The following ST18 variants were observed in gnomAD, a reference collection of about 807,000 sequenced individuals.
The protein encoded by ST18 is suppression of tumorigenicity 18 protein.
In ST18, 50 loss-of-function variants were observed where a neutral mutation model predicts 110.0. The ratio of observed to expected loss-of-function variants is 0.45; its 90% confidence interval spans 0.36 to 0.58. The LOEUF is 0.58. Ranked by LOEUF, ST18 falls within the 20% of genes least tolerant of loss-of-function variation. ST18 has a pLI of 0.00. For synonymous variants in ST18, 461 were observed against 452.4 expected, an observed-to-expected ratio of 1.02 and a Z score of -0.24; for missense variants, 1,306 against 1,280.1, an observed-to-expected ratio of 1.02 and a Z score of -0.31.
At chr8:52,141,049 C>T (rs934071287) in intron 17 of ST18, among the ~76,000 whole-genome samples, 1 of 152,072 alleles carries the variant, frequency 6.6e-6, no homozygotes, top group African/African-American at 2.4e-5. Context: ...GTGTTCAAGC[C>T]GATTTAAGTT....
chr8:52,307,186 A>T (rs1370082144), intron 2 of ST18, among the ~76,000 whole-genome samples: 1 of 152,148 alleles, frequency 6.6e-6, no homozygotes, highest in Non-Finnish European at 1.5e-5. Context: ...AACTTGACTT[A>T]AGAAGAAAAT....
At chr8:52,320,007 G>A (rs1182492655) in intron 2 of ST18, among the ~76,000 whole-genome samples, 2 of 152,092 alleles carry the variant, frequency 1.3e-5, no homozygotes. Context: ...TTGAAACAAA[G>A]ACAAGCAATC....
At chr8:52,146,225 CA>C (rs937379826) in intron 16 of ST18, among the ~76,000 whole-genome samples, 2 of 152,120 alleles carry the variant, frequency 1.3e-5, no homozygotes, top group African/African-American at 4.8e-5. Context: ...TGGAAAGTCA[CA>C]AGAAAGGATC....
At chr8:52,132,271 A>C in intron 21 of ST18, 92 bp from the exon 22 acceptor site, 1 of 1,131,904 alleles carries the variant, frequency 8.8e-7, no homozygotes, top group Middle Eastern at 3.1e-4. Context: ...ATAGAGTTTT[A>C]ATAAAAGATG....
intron 2 of ST18, among the ~76,000 whole-genome samples, chr8:52,233,974 C>A (rs2092124318): frequency 6.6e-6 from 1 of 152,134 alleles, no homozygotes; most frequent in Non-Finnish European, 1.5e-5. Flanking sequence ...TGAAACATTG[C>A]ACTTTGACTA....
At chr8:52,293,406 A>G (rs1476197306) in intron 2 of ST18, among the ~76,000 whole-genome samples, 1 of 152,232 alleles carries the variant, frequency 6.6e-6, no homozygotes, top group African/African-American at 2.4e-5. Context: ...GTGACAGGTA[A>G]CTTAGGGAGC....
intron 2 of ST18, among the ~76,000 whole-genome samples, chr8:52,323,159 C>A (rs1184155151): frequency 4.0e-5 from 6 of 151,878 alleles, no homozygotes; most frequent in Admixed American, 3.9e-4. Flanking sequence ...GACACCAAAG[C>A]AACATGTCTA....
At chr8:52,186,639 T>C (rs958596136) in intron 8 of ST18, among the ~76,000 whole-genome samples, 1 of 152,152 alleles carries the variant, frequency 6.6e-6, no homozygotes. Context: ...GTCTCTCCCA[T>C]ACCGGAAACA....
chr8:52,325,719 G>A (rs1453026633), intron 2 of ST18, among the ~76,000 whole-genome samples: 1 of 152,048 alleles, frequency 6.6e-6, no homozygotes, highest in East Asian at 1.9e-4. Flanking sequence ...AAAATTTCCC[G>A]ATTTCCAGCT....
chr8:52,127,044 G>T (rs549993027), intron 22 of ST18, among the ~76,000 whole-genome samples: 140 of 152,314 alleles, frequency 9.2e-4, no homozygotes, highest in African/African-American at 3.1e-3. Flanking sequence ...ATCATAATCA[G>T]TCATTTAAAG....
intron 3 of ST18, among the ~76,000 whole-genome samples, chr8:52,222,919 C>T (rs765757572): frequency 2.0e-5 from 3 of 152,198 alleles, no homozygotes; most frequent in Non-Finnish European, 2.9e-5. Flanking sequence ...TTAGTTTTAG[C>T]CCCCACCTAC....
At chr8:52,283,125 G>A (rs1023411942) in intron 2 of ST18, among the ~76,000 whole-genome samples, 1 of 152,172 alleles carries the variant, frequency 6.6e-6, no homozygotes, top group Non-Finnish European at 1.5e-5. Flanking sequence ...CTGATGACTT[G>A]TTGGTGGATT....
chr8:52,167,353 C>A (rs1301636508), intron 10 of ST18, among the ~76,000 whole-genome samples: 1 of 152,208 alleles, frequency 6.6e-6, no homozygotes, highest in African/African-American at 2.4e-5. Context: ...TAAACCAAAA[C>A]CATTTCTTAT....
At chr8:52,265,381 G>C (rs921323078) in intron 2 of ST18, among the ~76,000 whole-genome samples, 3 of 152,210 alleles carry the variant, frequency 2.0e-5, no homozygotes, top group Non-Finnish European at 4.4e-5. Context: ...TTATGGGAGG[G>C]CTCCAGCTAG....
chr8:52,216,975 T>C (rs573275019), intron 6 of ST18, among the ~76,000 whole-genome samples: 4 of 152,324 alleles, frequency 2.6e-5, no homozygotes, highest in Admixed American at 6.5e-5. Flanking sequence ...CACATGATTA[T>C]GGTATGATTC....
intron 2 of ST18, among the ~76,000 whole-genome samples, chr8:52,381,167 G>T (rs1459919971): frequency 6.6e-6 from 1 of 152,118 alleles, no homozygotes; most frequent in African/African-American, 2.4e-5. Context: ...TGTTCTGTAG[G>T]GTGGAAAAGG....
At chr8:52,191,767 G>C (rs910133946) in intron 8 of ST18, among the ~76,000 whole-genome samples, 3 of 152,226 alleles carry the variant, frequency 2.0e-5, no homozygotes, top group African/African-American at 7.2e-5. Flanking sequence ...ACTTTGCATG[G>C]AGAGAAAAGT....
intron 2 of ST18, among the ~76,000 whole-genome samples, chr8:52,327,627 G>A (rs564161906): frequency 1.3e-5 from 2 of 152,170 alleles, no homozygotes; most frequent in South Asian, 2.1e-4. Flanking sequence ...TTTTAGACAC[G>A]GTGCCATTAT....
At chr8:52,275,986 C>T (rs2095228452) in intron 2 of ST18, among the ~76,000 whole-genome samples, 1 of 75,732 alleles carries the variant, frequency 1.3e-5, no homozygotes, top group East Asian at 4.2e-4. Context: ...CCACATCCTA[C>T]ACATCATACA....
Sources: gnomAD v4.1 joint callset for allele counts (sites outside exome capture counted in the v4.1 genomes callset) on GRCh38, gnomAD v4.1.1 for gene constraint, MANE v1.5 for transcripts, NCBI Gene and HGNC (gene_info 2026-07-23, HGNC 2026-07-21) for gene names.